The following EPHA4 variants were observed in gnomAD, a reference collection of about 807,000 sequenced individuals.
EPHA4 encodes EPH receptor A4, also known as ephrin type-A receptor 4.
A neutral mutation model predicts 108.3 loss-of-function variants in EPHA4; 19 were observed. The observed-to-expected ratio is 0.18, with a 90% CI of 0.12 to 0.26. EPHA4 has a LOEUF of 0.26. EPHA4 is among the 10% of genes least tolerant of loss of function. The pLI, the probability that EPHA4 is intolerant of heterozygous loss-of-function variation, is 1.00. For missense variants in EPHA4, 917 were observed against 1,254.0 expected (o/e 0.73, Z 4.06); for synonymous variants, 449 against 455.5 (o/e 0.99, Z 0.18).
chr2:221,444,691 A>G (rs917374191), intron 9 of EPHA4, among the ~76,000 whole-genome samples: 5 of 151,558 alleles, frequency 3.3e-5, no homozygotes, highest in Non-Finnish European at 4.4e-5. Flanking sequence ...GCTATAGCCA[A>G]GAAAATCTTC....
intron 3 of EPHA4, among the ~76,000 whole-genome samples, chr2:221,542,478 A>G (rs1171493712): frequency 6.6e-6 from 1 of 152,238 alleles, no homozygotes; most frequent in African/African-American, 2.4e-5. Context: ...CAAGGATTTG[A>G]ACTCCTGGTT....
At chr2:221,522,028 T>C (rs1693180806) in intron 3 of EPHA4, among the ~76,000 whole-genome samples, 1 of 151,978 alleles carries the variant, frequency 6.6e-6, no homozygotes, top group African/African-American at 2.4e-5. Context: ...AAACCCAAAA[T>C]AGGCCGGAAA....
At chr2:221,432,969 C>A (rs1206691573) in intron 14 of EPHA4, among the ~76,000 whole-genome samples, 1 of 151,948 alleles carries the variant, frequency 6.6e-6, no homozygotes. Flanking sequence ...GGATTCCAGG[C>A]ACCCACCACT....
intron 5 of EPHA4, among the ~76,000 whole-genome samples, chr2:221,468,660 T>C (rs932526573): frequency 2.0e-5 from 3 of 152,232 alleles, no homozygotes; most frequent in Admixed American, 6.5e-5. Flanking sequence ...AGTAAATCTT[T>C]GCTGTTGCCT....
intron 5 of EPHA4, among the ~76,000 whole-genome samples, chr2:221,475,732 A>G (rs1691633857): frequency 6.6e-6 from 1 of 152,240 alleles, no homozygotes; most frequent in Admixed American, 6.5e-5. Flanking sequence ...ATGAATGCCA[A>G]TACTTGAATT....
chr2:221,434,011 T>C, intron 14 of EPHA4, 131 bp downstream of exon 14: 1 of 835,370 alleles, frequency 1.2e-6, no homozygotes, highest in Non-Finnish European at 1.8e-6. Context: ...ACTAGCTTGC[T>C]AGATATATCT....
At chr2:221,454,004 G>A (rs912243772) in intron 8 of EPHA4, among the ~76,000 whole-genome samples, 17 of 151,790 alleles carry the variant, frequency 1.1e-4, no homozygotes, top group African/African-American at 3.4e-4. Context: ...TGGTGAAACC[G>A]TGTCTCTACT....
chr2:221,468,963 T>G (rs1347793480), intron 5 of EPHA4, among the ~76,000 whole-genome samples: 2 of 152,234 alleles, frequency 1.3e-5, no homozygotes, highest in Non-Finnish European at 2.9e-5. Context: ...CCAAATCATC[T>G]GTGAAGTTAA....
intron 8 of EPHA4, among the ~76,000 whole-genome samples, chr2:221,448,513 A>T (rs986590424): frequency 6.6e-6 from 1 of 152,140 alleles, no homozygotes; most frequent in Admixed American, 6.5e-5. Context: ...ACTTTCTATA[A>T]AAGATGAAGT....
chr2:221,517,106 C>G (rs982499281), intron 3 of EPHA4, among the ~76,000 whole-genome samples: 1 of 152,166 alleles, frequency 6.6e-6, no homozygotes, highest in African/African-American at 2.4e-5. Context: ...ACATATTCTA[C>G]TGGCAGGGAT....
At chr2:221,567,009 G>GAAGAAGAAGAAGAAGAAA (rs750697580) in intron 2 of EPHA4, among the ~76,000 whole-genome samples, 3 of 112,626 alleles carry the variant, frequency 2.7e-5, no homozygotes, top group Admixed American at 1.6e-4. Context: ...AGAAGAAGAA[G>GAAGAAGAAGAAGAAGAAA]AAAAAAATGT....
chr2:221,530,103 A>T (rs1259392448), intron 3 of EPHA4, among the ~76,000 whole-genome samples: 2 of 152,292 alleles, frequency 1.3e-5, no homozygotes, highest in East Asian at 3.9e-4. Context: ...AGATCTCATT[A>T]GATTTGAAAA....
chr2:221,458,041 G>A lies in EPHA4; in HGVS notation c.1319-51C>T, dbSNP rs1358484660. 3.2e-6 allele frequency: 5 copies of A among 1,582,168 alleles called. No homozygotes were observed. In the South Asian group the frequency reaches 5.8e-5, roughly 18 times the overall value. The stretch of plus-strand genomic sequence containing the variant: ...AGATATTTTCTTTAGGAAAATAAAT[G>A]GTTTTGGTGGTAGCCAGAAATAATT... On this transcript the variant is annotated intron_variant, in intron 5 of 17. Transcript: ENST00000281821.
At chr2:221,483,092 A>G (rs906262379) in intron 4 of EPHA4, among the ~76,000 whole-genome samples, 2 of 152,266 alleles carry the variant, frequency 1.3e-5, no homozygotes, top group African/African-American at 4.8e-5. Context: ...ATAGTTATAT[A>G]CCACTTCTGA....
At chr2:221,502,809 T>C (rs749112825) in intron 3 of EPHA4, among the ~76,000 whole-genome samples, 1 of 152,208 alleles carries the variant, frequency 6.6e-6, no homozygotes, top group Non-Finnish European at 1.5e-5. Flanking sequence ...CTTTATGACG[T>C]GTGGAGCACT....
chr2:221,487,263 C>A lies in EPHA4; in HGVS notation c.980-4573G>T, dbSNP rs749846620. Among the ~76,000 whole-genome samples the A allele has an allele frequency of 3.3e-5, 5 of 151,994 alleles. No homozygotes were observed. The South Asian group carries it at 8.3e-4, about 25-fold the overall frequency. ...ATAGTTGCAGGAATGGATAGGGAAC[C>A]TAGGGAAAAAGGCAGAGACTCAAGG... is the stretch of plus-strand genomic sequence containing the variant. On this transcript the variant is annotated intron_variant, in intron 4 of 17. Transcript: ENST00000281821.
At chr2:221,489,523 T>C (rs72963172) in intron 4 of EPHA4, among the ~76,000 whole-genome samples, 151 of 152,288 alleles carry the variant, frequency 9.9e-4, no homozygotes, top group Non-Finnish European at 1.9e-3. Flanking sequence ...TTCTTATCCC[T>C]GGAATAGTTC....
At position 221,435,956 on chromosome 2, in the gene EPHA4, A is replaced by G. The variant is rs955542292; in HGVS notation, c.2346+443T>C. ...CAACAACAAAAAAAAAAAAAGGAAGAAAGAGGCAGGAAGACAGGCAGGCAA... is the reference window on the plus strand; with the variant it reads ...CAACAACAAAAAAAAAAAAAGGAAGGAAGAGGCAGGAAGACAGGCAGGCAA... On this transcript the variant is annotated intron_variant, in intron 13 of 17. Coordinates refer to ENST00000281821, the MANE Select transcript of EPHA4 (RefSeq NM_004438.5). Among the ~76,000 whole-genome samples the G allele has an allele frequency of 8.6e-5, 13 of 151,680 alleles. No homozygotes were observed. The East Asian group carries it at 9.7e-4, about 11-fold the overall frequency.
chr2:221,458,104 C>A, intron 5 of EPHA4, 114 bp from the exon 6 acceptor site: 2 of 1,342,466 alleles, frequency 1.5e-6, no homozygotes, highest in East Asian at 2.5e-5. Flanking sequence ...ATTGTCTTGT[C>A]TCCCCCTTGA....
Sources: gnomAD v4.1 joint callset for allele counts (sites outside exome capture counted in the v4.1 genomes callset) on GRCh38, gnomAD v4.1.1 for gene constraint, MANE v1.5 for transcripts, NCBI Gene and HGNC (gene_info 2026-07-23, HGNC 2026-07-21) for gene names.